Variants in ST6GALNAC5 observed in about 807,000 individuals in gnomAD.
ST6GALNAC5 encodes the protein ST6 N-acetylgalactosaminide alpha-2,6-sialyltransferase 5, also known as alpha-N-acetylgalactosaminide alpha-2,6-sialyltransferase 5.
In ST6GALNAC5, 27 loss-of-function variants were observed where a neutral mutation model predicts 33.6. The observed-to-expected ratio is 0.80, with a 90% confidence interval of 0.59 to 1.11. The LOEUF is 1.11. Ranked by LOEUF, ST6GALNAC5 falls within the 50% of genes least tolerant of loss-of-function variation. ST6GALNAC5 has a pLI of 0.00. For missense variants in ST6GALNAC5, 428 were observed against 454.0 expected (o/e 0.94, Z 0.52); for synonymous variants, 194 against 171.2 (o/e 1.13, Z -1.04).
At chr1:76,920,407 C>T (rs1171805382) in intron 2 of ST6GALNAC5, among the ~76,000 whole-genome samples, 1 of 152,166 alleles carries the variant, frequency 6.6e-6, no homozygotes. Context: ...GCCATAGAAA[C>T]TGTGAAGAAA....
chr1:77,032,659 C>A (rs1651501018), intron 2 of ST6GALNAC5, among the ~76,000 whole-genome samples: 1 of 152,144 alleles, frequency 6.6e-6, no homozygotes, highest in South Asian at 2.1e-4. Context: ...GAAGTACCTA[C>A]CAATAGATGA....
intron 2 of ST6GALNAC5, among the ~76,000 whole-genome samples, chr1:77,005,066 C>A (rs987680998): frequency 6.6e-6 from 1 of 151,858 alleles, no homozygotes; most frequent in African/African-American, 2.4e-5. Flanking sequence ...CAAGCCTGGG[C>A]AATGGCGGGC....
At position 76,887,101 on chromosome 1, in the gene ST6GALNAC5, T is replaced by C. The variant is rs183480188; in HGVS notation, c.261+18359T>C. 5.9e-3 allele frequency among the ~76,000 whole-genome samples: 898 copies of C among 152,258 alleles called. 7 individuals are homozygous for C. Among genetic ancestry groups the C allele is most frequent in the Middle Eastern group, 0.017 (5 of 294 alleles). The stretch of plus-strand genomic sequence containing the variant: ...AGCACTTGAGTCTCCAACTCTCATA[T>C]CCATGGAGGCCGTGCTACTTCCAGC... On this transcript the variant is annotated intron_variant, in intron 2 of 4. Coordinates refer to ENST00000477717, the MANE Select transcript of ST6GALNAC5 (RefSeq NM_030965.3).
intron 2 of ST6GALNAC5, among the ~76,000 whole-genome samples, chr1:76,902,403 T>C (rs536356881): frequency 1.3e-5 from 2 of 152,250 alleles, no homozygotes; most frequent in African/African-American, 4.8e-5. Context: ...CCCATGTTCA[T>C]GGACAAGAAG....
At chr1:77,041,095 A>C (rs983042405) in intron 2 of ST6GALNAC5, among the ~76,000 whole-genome samples, 2 of 152,248 alleles carry the variant, frequency 1.3e-5, no homozygotes, top group Non-Finnish European at 2.9e-5. Flanking sequence ...GAAGTCATCA[A>C]ATCCAAAGCA....
At chr1:77,058,893 C>T (rs1652484844) in intron 4 of ST6GALNAC5, among the ~76,000 whole-genome samples, 1 of 152,130 alleles carries the variant, frequency 6.6e-6, no homozygotes, top group African/African-American at 2.4e-5. Context: ...ATACTTGCCT[C>T]AGAGGGCTGA....
chr1:76,924,811 T>TACAG (rs1451409948), intron 2 of ST6GALNAC5, among the ~76,000 whole-genome samples: 1 of 152,156 alleles, frequency 6.6e-6, no homozygotes, highest in Non-Finnish European at 1.5e-5. Context: ...TCCTGACCTG[T>TACAG]ACAGACCCAT....
chr1:77,064,808 T>C lies in ST6GALNAC5; in HGVS notation c.*1602T>C, dbSNP rs1159582863. On this transcript the variant is annotated 3_prime_UTR_variant, in exon 5 of 5. Transcript: ENST00000477717. Reference sequence around the variant, plus strand: ...TTATGTATGAAGACTGACATTGTTTTACAGACATGACCTGGCTTATGATAA... The same window carrying C: ...TTATGTATGAAGACTGACATTGTTTCACAGACATGACCTGGCTTATGATAA... 1.3e-5 allele frequency: 2 copies of C among 152,212 alleles called. No homozygotes were observed. Among genetic ancestry groups the C allele is most frequent in the African/African-American group, 4.8e-5 (2 of 41,468 alleles). The allele number at this position is 152,212 out of a possible 1,614,324, so 9.4% of individuals were successfully genotyped here. A position where few individuals can be genotyped will look rare whatever the true frequency, so the allele number is the denominator to read the frequency against.
rs1408833080 is a variant in ST6GALNAC5, at chr1:76,868,278, G to A, written c.16-219G>A. ...CACCTGCCCTCTACCGAGAGATCTG[G>A]GCGGCGGCGGCCGAAAGCAGCGACG... is the stretch of plus-strand genomic sequence containing the variant. On this transcript the variant is annotated intron_variant, in intron 1 of 4. Transcript: ENST00000477717. The surrounding 1 kb of genome is among the most constrained non-coding windows in gnomAD (Gnocchi z 4.3). Among the ~76,000 whole-genome samples the A allele has an allele frequency of 6.6e-6, 1 of 152,020 alleles. No individual in the cohort carries two copies. The highest frequency in any genetic ancestry group is 1.5e-5 in the Non-Finnish European group (1 of 68,002).
In ST6GALNAC5 at chr1:77,063,073, G is replaced by A; in HGVS notation, c.878G>A (p.Ser293Asn). The change falls in exon 5 of 5, where the codon AGT (serine) becomes AAT (asparagine). Residue 293 changes from serine to asparagine, a missense_variant. By Grantham distance (46) the Ser-to-Asn change is conservative. Coordinates refer to ENST00000477717, the MANE Select transcript of ST6GALNAC5 (RefSeq NM_030965.3). ...YLSHERGRKGSHHRFITEKRV... is the reference protein window; with the variant it reads ...YLSHERGRKGNHHRFITEKRV... Reference sequence around the variant, plus strand: ...TCCCATGAGCGAGGACGCAAGGGCAGTCATCACCGCTTTATCACAGAGAAA... The same window carrying A: ...TCCCATGAGCGAGGACGCAAGGGCAATCATCACCGCTTTATCACAGAGAAA... The A allele has an allele frequency of 1.9e-6, 3 of 1,613,968 alleles. No homozygotes were observed. The highest frequency in any genetic ancestry group is 2.5e-6 in the Non-Finnish European group (3 of 1,179,924).
rs140244670 is a variant in ST6GALNAC5, at chr1:76,952,938, A to G, written c.261+84196A>G. 1.6e-4 allele frequency among the ~76,000 whole-genome samples: 25 copies of G among 152,228 alleles called. No homozygotes were observed. The East Asian group carries it at 4.4e-3, about 27-fold the overall frequency. ...ATTTCCAGAATGTTATAAATATAAA[A>G]TTATACAGTACATTAACTTTTGAGA... On this transcript the variant is annotated intron_variant, in intron 2 of 4. Transcript: ENST00000477717.
intron 2 of ST6GALNAC5, among the ~76,000 whole-genome samples, chr1:76,991,389 A>G (rs1048765712): frequency 1.3e-5 from 2 of 152,224 alleles, no homozygotes; most frequent in African/African-American, 4.8e-5. Context: ...CATCAAGTTC[A>G]AATGAACAAA....
chr1:77,028,331 G>A (rs1423951832), intron 2 of ST6GALNAC5, among the ~76,000 whole-genome samples: 1 of 152,128 alleles, frequency 6.6e-6, no homozygotes, highest in African/African-American at 2.4e-5. Flanking sequence ...TCAAAGGATG[G>A]AAAATCTCAC....
intron 2 of ST6GALNAC5, among the ~76,000 whole-genome samples, chr1:76,910,657 T>C (rs1646902494): frequency 6.6e-6 from 1 of 152,012 alleles, no homozygotes; most frequent in Non-Finnish European, 1.5e-5. Flanking sequence ...TTTCTGTAGG[T>C]TGTTATCAAT....
intron 2 of ST6GALNAC5, among the ~76,000 whole-genome samples, chr1:76,904,457 C>A (rs751444370): frequency 6.6e-6 from 1 of 152,086 alleles, no homozygotes. Context: ...AAATGGAATA[C>A]CATATGGCAA....
intron 2 of ST6GALNAC5, among the ~76,000 whole-genome samples, chr1:76,960,253 C>T (rs1354955261): frequency 2.0e-5 from 3 of 152,000 alleles, no homozygotes; most frequent in Admixed American, 6.6e-5. Flanking sequence ...CCGGGGGAGA[C>T]ATCACATGTC....
chr1:77,002,469 G>GT (rs1310507562), intron 2 of ST6GALNAC5, among the ~76,000 whole-genome samples: 2 of 152,048 alleles, frequency 1.3e-5, no homozygotes, highest in Non-Finnish European at 2.9e-5. Context: ...TTTTTGAACG[G>GT]TTTTTTGTGT....
At chr1:77,056,543 A>G (rs1333205339) in intron 4 of ST6GALNAC5, among the ~76,000 whole-genome samples, 2 of 152,192 alleles carry the variant, frequency 1.3e-5, no homozygotes, top group African/African-American at 4.8e-5. Flanking sequence ...AGGTATCATG[A>G]ATATCAGAGA....
intron 2 of ST6GALNAC5, among the ~76,000 whole-genome samples, chr1:77,022,005 C>G (rs1651070855): frequency 6.6e-6 from 1 of 152,162 alleles, no homozygotes; most frequent in African/African-American, 2.4e-5. Flanking sequence ...GCTGCGCCCC[C>G]CGTTTGTCTT....
Sources: allele counts gnomAD v4.1 joint callset (sites outside exome capture counted in the v4.1 genomes callset), GRCh38; gene constraint gnomAD v4.1.1; non-coding constraint Gnocchi (gnomAD v3.1); transcripts MANE v1.5; gene names NCBI Gene and HGNC (gene_info 2026-07-23, HGNC 2026-07-21).